RBM4: variants seen among roughly 807,000 people sequenced by gnomAD.
RBM4 encodes RNA-binding protein 4.
Under a neutral mutation model 29.5 loss-of-function variants are expected in RBM4, and 7 were observed. That is an observed-to-expected ratio of 0.24 (90% CI 0.14 to 0.45). RBM4 has a LOEUF of 0.45. Among genes scored for constraint, RBM4 ranks in the 20% least tolerant of loss-of-function variants. RBM4 has a pLI of 1.00. For missense variants in RBM4, 387 were observed against 502.3 expected, an observed-to-expected ratio of 0.77 and a Z score of 2.19; for synonymous variants, 220 against 205.4, an observed-to-expected ratio of 1.07 and a Z score of -0.61.
downstream of RBM4, among the ~76,000 whole-genome samples, chr11:66,646,891 G>A (rs1162299069): frequency 6.6e-6 from 1 of 152,180 alleles, no homozygotes; most frequent in African/African-American, 2.4e-5. Context: ...AAATGAAGCT[G>A]TGGCTCCAAG....
At chr11:66,656,268 C>G (rs1028485865) in intron 2 of RBM4, among the ~76,000 whole-genome samples, 2 of 152,128 alleles carry the variant, frequency 1.3e-5, no homozygotes, top group Non-Finnish European at 2.9e-5. Context: ...TCTGAAGTAG[C>G]TGGGACTACA....
intron 3 of RBM4, chr11:66,644,424 C>T: frequency 2.6e-6 from 1 of 388,688 alleles, no homozygotes; most frequent in Non-Finnish European, 4.5e-6. Flanking sequence ...CTTGGGTCAC[C>T]TATGTACTAT....
rs540669087 is a variant in RBM4, at chr11:66,643,928, T to A, written c.891T>A (p.Thr297=). 6.2e-7 allele frequency: 1 copy of A among 1,613,470 alleles called. No individual in the cohort carries two copies. The highest frequency in any genetic ancestry group is 1.7e-5 in the Admixed American group (1 of 60,020). The change falls in exon 3 of 4, where the codon ACT becomes ACA. Residue 297 remains threonine (T), a synonymous_variant. Coordinates refer to ENST00000310092, the MANE Select transcript of RBM4 (RefSeq NM_002896.4). The surrounding 1 kb of genome is among the most constrained non-coding windows in gnomAD (Gnocchi z 6.1). ...AAAAAAAAAV[T]AASTSYYGRD... is the part of the protein sequence containing the mutation. ...CAGCAGCAGCCGCTGCTGCTGTTAC[T>A]GCAGCTTCCACTTCATATTACGGGC...
chr11:66,653,680 G>T (rs1345825829), intron 2 of RBM4, among the ~76,000 whole-genome samples: 1 of 151,942 alleles, frequency 6.6e-6, no homozygotes, highest in East Asian at 1.9e-4. Context: ...AGCTTTTATT[G>T]TAAGAATACA....
downstream of RBM4, chr11:66,646,497 C>G (rs1938698743): frequency 1.0e-6 from 1 of 990,834 alleles, no homozygotes; most frequent in Admixed American, 5.9e-5. Flanking sequence ...AGACTTCTTG[C>G]TTGGGCTTGT....
intron 3 of RBM4, 109 bp downstream of exon 3, chr11:66,644,249 A>T: frequency 2.1e-6 from 3 of 1,430,128 alleles, no homozygotes; most frequent in Non-Finnish European, 2.8e-6. Flanking sequence ...GGGTTAGGGG[A>T]AGGTTACTAG....
rs777592033 is a variant in RBM4 at position 66,643,873 on chromosome 11, C to T, written c.836C>T (p.Thr279Ile). Residue 279 changes from threonine (T) to isoleucine (I), a missense_variant, in exon 3 of 4, where the codon ACC becomes ATC. Around this residue, in one of 2 missense-constraint regions of RBM4, gnomAD observed 281 missense variants for 288.7 expected, o/e 0.97. Coordinates refer to ENST00000310092, the MANE Select transcript of RBM4 (RefSeq NM_002896.4). The surrounding 1 kb of genome is among the most constrained non-coding windows in gnomAD (Gnocchi z 6.1). ...CCCTACGATAGACACCTGTTGCCGA[C>T]CTCAGGAGCTGCTGCCACAGCTGCT... ...LDPYDRHLLP[T>I]SGAAATAAAA... 1 of 1,613,890 alleles carries T rather than the reference C, an allele frequency of 6.2e-7. No homozygotes were observed. The highest frequency in any genetic ancestry group is 8.5e-7 in the Non-Finnish European group (1 of 1,180,000).
chr11:66,666,079 G>A (rs1435405069), exon 3 of RBM4: 3 of 974,636 alleles, frequency 3.1e-6, no homozygotes, highest in East Asian at 2.7e-5. Context: ...GGAGCAGCCA[G>A]TCATTCACCC....
At chr11:66,662,896 T>C (rs1310848052) in intron 2 of RBM4, among the ~76,000 whole-genome samples, 1 of 152,218 alleles carries the variant, frequency 6.6e-6, no homozygotes, top group African/African-American at 2.4e-5. Flanking sequence ...TGGGGAATAC[T>C]GACGCTAACA....
intron 2 of RBM4, among the ~76,000 whole-genome samples, chr11:66,656,018 T>C (rs921459034): frequency 3.9e-5 from 6 of 152,168 alleles, no homozygotes; most frequent in Non-Finnish European, 8.8e-5. Flanking sequence ...TTGCCCAGGC[T>C]GGAGTGCAAT....
intron 2 of RBM4, among the ~76,000 whole-genome samples, chr11:66,660,901 C>T (rs1295115819): frequency 6.6e-6 from 1 of 152,102 alleles, no homozygotes; most frequent in Non-Finnish European, 1.5e-5. Flanking sequence ...GTGATCCACC[C>T]GACTCGGCCT....
chr11:66,647,080 G>C (rs979833416), downstream of RBM4, among the ~76,000 whole-genome samples: 1 of 152,236 alleles, frequency 6.6e-6, no homozygotes, highest in African/African-American at 2.4e-5. Flanking sequence ...TAGATACCTT[G>C]TTGAATGATG....
At chr11:66,639,406 T>C (rs1478770152) in intron 1 of RBM4, 1 of 398,094 alleles carries the variant, frequency 2.5e-6, no homozygotes, top group East Asian at 4.3e-5. Context: ...TACCCCCATT[T>C]CTTCATATGC....
At chr11:66,649,969 C>G, downstream of RBM4, 1 of 519,870 alleles carries the variant, frequency 1.9e-6, no homozygotes, top group Non-Finnish European at 3.4e-6. Flanking sequence ...AAATGTCTAG[C>G]TGGCTTTGTA....
downstream of RBM4, among the ~76,000 whole-genome samples, chr11:66,650,858 GTCTCAAAA>G (rs1418107589): frequency 1.3e-5 from 2 of 152,078 alleles, no homozygotes; most frequent in African/African-American, 2.4e-5. Flanking sequence ...GCTAGACTCC[GTCTCAAAA>G]TAAGTAAAAT....
chr11:66,658,616 C>T (rs959950416), intron 2 of RBM4, among the ~76,000 whole-genome samples: 1 of 151,770 alleles, frequency 6.6e-6, no homozygotes, highest in African/African-American at 2.4e-5. Flanking sequence ...TACAGTGCTG[C>T]GAGTACCAAA....
intron 3 of RBM4, among the ~76,000 whole-genome samples, chr11:66,645,779 C>T (rs1250109621): frequency 6.6e-6 from 1 of 152,100 alleles, no homozygotes; most frequent in Non-Finnish European, 1.5e-5. Flanking sequence ...TGTCTCTTTG[C>T]CTACTTTTAT....
At chr11:66,657,024 A>G (rs535857675) in intron 2 of RBM4, among the ~76,000 whole-genome samples, 17 of 152,052 alleles carry the variant, frequency 1.1e-4, no homozygotes, top group African/African-American at 3.9e-4. Context: ...CATTGTTGCA[A>G]TCAAAATACA....
At chr11:66,656,869 C>T (rs1394652076) in intron 2 of RBM4, among the ~76,000 whole-genome samples, 1 of 151,974 alleles carries the variant, frequency 6.6e-6, no homozygotes, top group African/African-American at 2.4e-5. Flanking sequence ...CCATGTTGGC[C>T]AGGCTGGTCT....
Sources: allele counts gnomAD v4.1 joint callset (sites outside exome capture counted in the v4.1 genomes callset), GRCh38; gene constraint gnomAD v4.1.1; regional missense constraint gnomAD v4.1.1; non-coding constraint Gnocchi (gnomAD v3.1); transcripts MANE v1.5; gene names NCBI Gene and HGNC (gene_info 2026-07-23, HGNC 2026-07-21).